TRPC3: variants seen among roughly 807,000 people sequenced by gnomAD.
TRPC3 encodes the protein transient receptor potential cation channel subfamily C member 3.
A neutral mutation model predicts 90.9 loss-of-function variants in TRPC3; 54 were observed. The observed-to-expected ratio is 0.59, with a 90% confidence interval of 0.48 to 0.75. The LOEUF is 0.75. TRPC3 is among the 30% of genes least tolerant of loss of function. TRPC3 has a pLI of 0.00. For missense variants in TRPC3, 918 were observed against 1,194.5 expected (o/e 0.77, Z 3.41); for synonymous variants, 424 against 450.9 (o/e 0.94, Z 0.75).
chr4:121,919,999 A>G (rs1401701210), intron 3 of TRPC3, among the ~76,000 whole-genome samples: 1 of 152,156 alleles, frequency 6.6e-6, no homozygotes, highest in African/African-American at 2.4e-5. Context: ...AGGTAGAGTC[A>G]GAATTAGAAC....
At chr4:121,937,929 G>A (rs1730183712) in intron 1 of TRPC3, among the ~76,000 whole-genome samples, 1 of 151,480 alleles carries the variant, frequency 6.6e-6, no homozygotes, top group African/African-American at 2.4e-5. Context: ...TTGAGACAGA[G>A]TCTTACTCTG....
At chr4:121,887,461 A>C (rs750875995) in intron 10 of TRPC3, among the ~76,000 whole-genome samples, 4 of 152,190 alleles carry the variant, frequency 2.6e-5, no homozygotes, top group Non-Finnish European at 4.4e-5. Flanking sequence ...ATGTGCCTGA[A>C]GCTCACTGTG....
At chr4:121,937,704 C>A (rs913657590) in intron 1 of TRPC3, among the ~76,000 whole-genome samples, 4 of 152,140 alleles carry the variant, frequency 2.6e-5, no homozygotes, top group African/African-American at 9.7e-5. Flanking sequence ...AATCAAGAAG[C>A]CTCTCTCTTC....
At chr4:121,901,486 T>C (rs1480895344) in intron 9 of TRPC3, among the ~76,000 whole-genome samples, 1 of 152,240 alleles carries the variant, frequency 6.6e-6, no homozygotes, top group African/African-American at 2.4e-5. Flanking sequence ...AATGTGACCT[T>C]GCATAAGCAA....
intron 10 of TRPC3, among the ~76,000 whole-genome samples, chr4:121,897,253 C>T (rs1276865159): frequency 1.3e-5 from 2 of 151,260 alleles, no homozygotes; most frequent in Non-Finnish European, 3.0e-5. Context: ...TGAACAAGAC[C>T]TCAAAAGCAG....
intron 10 of TRPC3, among the ~76,000 whole-genome samples, chr4:121,887,169 T>G (rs899909477): frequency 6.6e-6 from 1 of 152,216 alleles, no homozygotes; most frequent in African/African-American, 2.4e-5. Context: ...CCTGCATACC[T>G]CACATAGTTC....
chr4:121,935,789 C>T (rs2149145493), intron 1 of TRPC3, among the ~76,000 whole-genome samples: 1 of 152,032 alleles, frequency 6.6e-6, no homozygotes, highest in South Asian at 2.1e-4. Flanking sequence ...GGTGGAAAGG[C>T]TTTTAATTTA....
chr4:121,918,314 T>A (rs1160983403), intron 3 of TRPC3, among the ~76,000 whole-genome samples: 2 of 152,220 alleles, frequency 1.3e-5, no homozygotes, highest in African/African-American at 4.8e-5. Context: ...GGCATTCTAT[T>A]GTAACAACAC....
Position 121,951,641 on chromosome 4 carries a change from C to A in TRPC3, c.40G>T (p.Val14Leu), listed in dbSNP as rs1288753027. ...TCCTCCTCCGGCGCCGGGAAGGTCACCCTTGCTTGTTCTTTGCACTTCCTG... is the reference window on the plus strand; with the variant it reads ...TCCTCCTCCGGCGCCGGGAAGGTCAACCTTGCTTGTTCTTTGCACTTCCTG... ...KVRKCKEQAR[V>L]TFPAPEEEED... The change falls in exon 1 of 12, where the codon GTG becomes TTG. Residue 14 changes from valine (V) to leucine (L), a missense_variant. Val to Leu is a conservative substitution (Grantham distance 32). Around this residue, in one of 4 missense-constraint regions of TRPC3, gnomAD observed 609 missense variants for 725.9 expected, o/e 0.84. Transcript: ENST00000379645. This position sits in a 1 kb window ranked among gnomAD's most constrained non-coding sequence, Gnocchi z 4.4. 3.5e-6 allele frequency: 5 copies of A among 1,416,446 alleles called. No individual in the cohort carries two copies. The highest frequency in any genetic ancestry group is 1.9e-6 in the Non-Finnish European group (2 of 1,076,172). 87.7% of individuals were successfully genotyped at this position (1,416,446 alleles called of 1,614,324 possible). A position where few individuals can be genotyped will look rare whatever the true frequency, so the allele number is the denominator to read the frequency against.
At chr4:121,882,222 G>A in intron 11 of TRPC3, 132 bp downstream of exon 11, 1 of 669,312 alleles carries the variant, frequency 1.5e-6, no homozygotes, top group Non-Finnish European at 2.4e-6. Flanking sequence ...CGTAACATAA[G>A]ATCCTCCTCC....
chr4:121,934,764 G>T (rs1350053211), intron 1 of TRPC3, among the ~76,000 whole-genome samples: 1 of 152,112 alleles, frequency 6.6e-6, no homozygotes, highest in Non-Finnish European at 1.5e-5. Context: ...CAGCTCTGAG[G>T]GCCCCAAACA....
chr4:121,932,994 C>G lies in TRPC3; in HGVS notation c.264G>C (p.Glu88Asp). 3 of 1,607,776 alleles carry G rather than the reference C, an allele frequency of 1.9e-6. No individual in the cohort carries two copies. The highest frequency in any genetic ancestry group is 2.6e-6 in the Non-Finnish European group (3 of 1,176,278). Residue 88 changes from glutamate to aspartate, a missense_variant, in exon 2 of 12, where the codon GAG becomes GAC. Coordinates refer to ENST00000379645, the MANE Select transcript of TRPC3 (RefSeq NM_001130698.2). This position sits in a 1 kb window ranked among gnomAD's most constrained non-coding sequence, Gnocchi z 7.7. ...PSLRRMTVMREKGRRQAVRGP... is the reference protein window; with the variant it reads ...PSLRRMTVMRDKGRRQAVRGP... ...CCCTGACAGCCTGGCGCCGGCCCTT[C>G]TCCCGCATCACTGTCATGCGTCTCA...
chr4:121,938,383 T>C (rs1730200951), intron 1 of TRPC3, among the ~76,000 whole-genome samples: 1 of 152,202 alleles, frequency 6.6e-6, no homozygotes, highest in African/African-American at 2.4e-5. Flanking sequence ...TTTGATCATG[T>C]CAGTCACAAA....
Position 121,932,657 on chromosome 4 carries a change from C to A in TRPC3, c.601G>T (p.Ala201Ser), listed in dbSNP as rs1416495965. ...CTCAGAGTGAGACGCTTGCTGGCCG[C>A]GAAGCCAGGGTGGTTGAGGATGGCC... The part of the protein sequence containing the change: ...VEAILNHPGF[A>S]ASKRLTLSPC... Residue 201 changes from alanine (A) to serine (S), a missense_variant, in exon 2 of 12, where the codon GCG becomes TCG. Physicochemically the swap from Ala to Ser is moderately conservative, Grantham distance 99. This residue lies in a region of TRPC3 where 609 missense variants were observed against 725.9 expected (regional missense o/e 0.84). Transcript: ENST00000379645. The surrounding 1 kb of genome is among the most constrained non-coding windows in gnomAD (Gnocchi z 7.7). 3.1e-6 allele frequency: 5 copies of A among 1,612,246 alleles called. No homozygotes were observed. The highest frequency in any genetic ancestry group is 1.1e-5 in the South Asian group (1 of 91,040).
At chr4:121,903,527 C>T (rs371364594) in intron 8 of TRPC3, among the ~76,000 whole-genome samples, 17 of 152,240 alleles carry the variant, frequency 1.1e-4, no homozygotes, top group African/African-American at 3.1e-4. Flanking sequence ...AATTGCTTTT[C>T]GGCATTTCTG....
intron 10 of TRPC3, among the ~76,000 whole-genome samples, chr4:121,898,633 T>A (rs1274280797): frequency 6.6e-6 from 1 of 152,142 alleles, no homozygotes; most frequent in Non-Finnish European, 1.5e-5. Context: ...AACAATGATA[T>A]ATTAATATTA....
At chr4:121,913,852 A>T (rs1411360923) in intron 4 of TRPC3, among the ~76,000 whole-genome samples, 2 of 152,242 alleles carry the variant, frequency 1.3e-5, no homozygotes, top group African/African-American at 2.4e-5. Context: ...ATTCTCACAC[A>T]TATATGGTGT....
intron 10 of TRPC3, among the ~76,000 whole-genome samples, chr4:121,892,985 G>A (rs1053555431): frequency 3.3e-5 from 5 of 151,992 alleles, no homozygotes; most frequent in African/African-American, 1.2e-4. Flanking sequence ...GCTGGGTGTG[G>A]TGGCAGGCAC....
chr4:121,924,277 T>C (rs755521635), intron 3 of TRPC3, among the ~76,000 whole-genome samples: 3 of 152,210 alleles, frequency 2.0e-5, no homozygotes, highest in East Asian at 1.9e-4. Flanking sequence ...CAAAAATGTA[T>C]ACAAGTAACA....
Sources: gnomAD v4.1 joint callset for allele counts (sites outside exome capture counted in the v4.1 genomes callset) on GRCh38, gnomAD v4.1.1 for gene constraint, gnomAD v4.1.1 regional missense constraint, Gnocchi (gnomAD v3.1) non-coding constraint, MANE v1.5 for transcripts, NCBI Gene and HGNC (gene_info 2026-07-23, HGNC 2026-07-21) for gene names.